Variants in FGD4 observed in about 807,000 individuals in gnomAD.
The protein encoded by FGD4 is FYVE, RhoGEF and PH domain containing 4.
FGD4 carries 42 observed loss-of-function variants against 102.0 expected under a neutral mutation model. The observed-to-expected ratio is 0.41, with a 90% confidence interval of 0.32 to 0.53. The LOEUF (loss-of-function observed/expected upper bound fraction) is 0.53, where lower values mean the gene tolerates loss of function less well. Among genes scored for constraint, FGD4 ranks in the 20% least tolerant of loss-of-function variants. The probability of loss-of-function intolerance (pLI) is 0.21; values close to 1 mark genes in which losing one functional copy is unlikely to be tolerated. For synonymous variants in FGD4, 380 were observed against 375.7 expected (o/e 1.01, Z -0.13); for missense variants, 902 against 1,078.2 (o/e 0.84, Z 2.29).
At chr12:32,633,916 C>T (rs1950641564) in intron 15 of FGD4, among the ~76,000 whole-genome samples, 1 of 152,216 alleles carries the variant, frequency 6.6e-6, no homozygotes, top group Non-Finnish European at 1.5e-5. Flanking sequence ...CTCCTGACCT[C>T]AGGTGATCTG....
rs372655892 is a variant in FGD4, at chr12:32,485,436, ATT to A, written c.167-78680_167-78679del. Among the ~76,000 whole-genome samples the A allele has an allele frequency of 1.1e-4, 12 of 114,194 alleles. 1 individual carries two copies. The highest frequency in any genetic ancestry group is 1.3e-4 in the African/African-American group (4 of 30,848). The allele number at this position is 114,194 out of a possible 152,430, so 74.9% of individuals were successfully genotyped here. On this transcript the variant is annotated intron_variant, in intron 1 of 16. Coordinates refer to ENST00000534526, the MANE Select transcript of FGD4 (RefSeq NM_001370298.3). ...AGAATCCTCAGATCTTTTAAGACCA[ATT>A]TTTTTTTTTTTTTTTTTTTTGAGAC...
chr12:32,554,608 A>T (rs1943949346), intron 1 of FGD4, among the ~76,000 whole-genome samples: 1 of 152,252 alleles, frequency 6.6e-6, no homozygotes, highest in Non-Finnish European at 1.5e-5. Flanking sequence ...AAGTAAGTAA[A>T]TAATGTAGTT....
chr12:32,535,263 A>C (rs982983816), intron 1 of FGD4, among the ~76,000 whole-genome samples: 1 of 152,212 alleles, frequency 6.6e-6, no homozygotes, highest in Non-Finnish European at 1.5e-5. Flanking sequence ...AAAAATGTCC[A>C]CACTGCTGAA....
intron 1 of FGD4, among the ~76,000 whole-genome samples, chr12:32,413,929 A>G (rs1389666736): frequency 2.0e-5 from 3 of 151,848 alleles, no homozygotes; most frequent in Non-Finnish European, 4.4e-5. Flanking sequence ...ACAGAAAGAT[A>G]ACTGAGAGAT....
At chr12:32,494,314 G>T (rs1246254054) in intron 1 of FGD4, among the ~76,000 whole-genome samples, 1 of 152,146 alleles carries the variant, frequency 6.6e-6, no homozygotes, top group Non-Finnish European at 1.5e-5. Flanking sequence ...CCTCCCAGAG[G>T]TGCTGGGATT....
At chr12:32,598,945 A>G (rs941411928) in intron 5 of FGD4, among the ~76,000 whole-genome samples, 2 of 152,204 alleles carry the variant, frequency 1.3e-5, no homozygotes, top group African/African-American at 4.8e-5. Context: ...TGGATGTGTC[A>G]TTGATTCTGT....
chr12:32,557,231 T>C (rs1944194140), intron 1 of FGD4, among the ~76,000 whole-genome samples: 1 of 152,216 alleles, frequency 6.6e-6, no homozygotes, highest in Non-Finnish European at 1.5e-5. Context: ...AAGTGATATA[T>C]AAATACATTT....
intron 1 of FGD4, among the ~76,000 whole-genome samples, chr12:32,513,386 G>A (rs1939580481): frequency 6.6e-6 from 1 of 152,252 alleles, no homozygotes; most frequent in Non-Finnish European, 1.5e-5. Flanking sequence ...ACCAGATTAT[G>A]TTAGTCTAAA....
chr12:32,551,972 C>T (rs142306905), intron 1 of FGD4, among the ~76,000 whole-genome samples: 2 of 152,158 alleles, frequency 1.3e-5, no homozygotes, highest in Non-Finnish European at 2.9e-5. Flanking sequence ...TTTAATAAAT[C>T]TGTTGCCCAG....
chr12:32,508,485 A>G (rs988120255), intron 1 of FGD4, among the ~76,000 whole-genome samples: 1 of 152,214 alleles, frequency 6.6e-6, no homozygotes, highest in African/African-American at 2.4e-5. Context: ...TATAGTTGTC[A>G]TATCTTATTC....
At chr12:32,594,023 A>G (rs1265005237) in intron 4 of FGD4, among the ~76,000 whole-genome samples, 1 of 152,212 alleles carries the variant, frequency 6.6e-6, no homozygotes, top group African/African-American at 2.4e-5. Context: ...GAGGGGGTTG[A>G]TTACAAAGGG....
intron 10 of FGD4, among the ~76,000 whole-genome samples, chr12:32,612,741 T>C (rs1456249009): frequency 3.9e-5 from 6 of 152,186 alleles, no homozygotes; most frequent in Admixed American, 1.3e-4. Flanking sequence ...GCTAAAAATA[T>C]ATATAAGCCT....
intron 1 of FGD4, among the ~76,000 whole-genome samples, chr12:32,535,065 G>A (rs1434790588): frequency 2.0e-5 from 3 of 152,158 alleles, no homozygotes; most frequent in African/African-American, 4.8e-5. Flanking sequence ...AGCCACTGTG[G>A]TCTCTTTGAG....
intron 1 of FGD4, among the ~76,000 whole-genome samples, chr12:32,487,188 T>C (rs1037024236): frequency 1.3e-5 from 2 of 152,228 alleles, no homozygotes; most frequent in Non-Finnish European, 2.9e-5. Flanking sequence ...TTTGTAAGAC[T>C]GTCTTGCAAG....
rs891845065 is a variant in FGD4 at position 32,399,894 on chromosome 12, C to T, written c.101C>T (p.Pro34Leu). ...PPGVPRPWSR[P>L]ASHLGRVGTA... The stretch of plus-strand genomic sequence containing the variant: ...GGGGTGCCCCGGCCCTGGAGCAGGC[C>T]CGCGTCGCACCTGGGACGTGTAGGG... Residue 34 changes from proline (P) to leucine (L), a missense_variant, in exon 1 of 17, where the codon CCC (proline) becomes CTC (leucine). This residue lies in a region of FGD4 where 443 missense variants were observed against 459.2 expected (regional missense o/e 0.96). Transcript: ENST00000534526. 1 of 1,529,584 alleles carries T rather than the reference C, an allele frequency of 6.5e-7. No homozygotes were observed. The highest frequency in any genetic ancestry group is 1.4e-5 in the African/African-American group (1 of 71,894). 94.8% of individuals were successfully genotyped at this position (1,529,584 alleles called of 1,614,324 possible). A position where few individuals can be genotyped will look rare whatever the true frequency, so the allele number is the denominator to read the frequency against.
At position 32,547,957 on chromosome 12, in the gene FGD4, C is replaced by T. The variant is rs143727092; in HGVS notation, c.167-16180C>T. ...CTGACCTCAAGTGATCCACCTGCCTCGGCCTCCCAAAGTGCTAGGATTACA... is the reference window on the plus strand; with the variant it reads ...CTGACCTCAAGTGATCCACCTGCCTTGGCCTCCCAAAGTGCTAGGATTACA... On this transcript the variant is annotated intron_variant, in intron 1 of 16. Transcript: ENST00000534526. Among the ~76,000 whole-genome samples the T allele has an allele frequency of 3.9e-3, 601 of 152,290 alleles. 3 individuals are homozygous for T. The highest frequency in any genetic ancestry group is 0.014 in the African/African-American group (567 of 41,556).
At chr12:32,453,153 G>A (rs116593214) in intron 1 of FGD4, among the ~76,000 whole-genome samples, 19,327 of 141,860 alleles carry the variant, frequency 0.14, 1,456 homozygotes, top group Non-Finnish European at 0.18. Flanking sequence ...TTTATAAAAC[G>A]TGTGTGTGTA....
At position 32,606,348 on chromosome 12, in the gene FGD4, T is replaced by C. The variant is rs1948779563; in HGVS notation, c.1405-1609T>C. Among the ~76,000 whole-genome samples the C allele has an allele frequency of 1.3e-5, 2 of 152,066 alleles. 1 individual carries two copies. Among genetic ancestry groups the C allele is most frequent in the African/African-American group, 4.8e-5 (2 of 41,374 alleles). ...GTAGATTAATCTAATAGAGCTCAGA[T>C]CTAATGATACAACTGTCATGCACAA... On this transcript the variant is annotated intron_variant, in intron 7 of 16. Coordinates refer to ENST00000534526, the MANE Select transcript of FGD4 (RefSeq NM_001370298.3).
intron 1 of FGD4, among the ~76,000 whole-genome samples, chr12:32,412,300 G>T (rs1302878896): frequency 6.6e-6 from 1 of 152,174 alleles, no homozygotes; most frequent in Non-Finnish European, 1.5e-5. Context: ...AGTAGATTGT[G>T]AGATAATGGA....
Sources: allele counts gnomAD v4.1 joint callset (sites outside exome capture counted in the v4.1 genomes callset), GRCh38; gene constraint gnomAD v4.1.1; regional missense constraint gnomAD v4.1.1; transcripts MANE v1.5; gene names NCBI Gene and HGNC (gene_info 2026-07-23, HGNC 2026-07-21).